LRP1B: variants seen among roughly 807,000 people sequenced by gnomAD.
The protein encoded by LRP1B is low-density lipoprotein receptor-related protein 1B.
In LRP1B, 217 loss-of-function variants were observed where a neutral mutation model predicts 556.6. The observed-to-expected ratio is 0.39, with a 90% CI of 0.35 to 0.44. The LOEUF is 0.44. LRP1B is among the 20% of genes least tolerant of loss of function. The pLI is 1.00. For missense variants in LRP1B, 5,053 were observed against 5,620.8 expected (o/e 0.90, Z 3.23); for synonymous variants, 2,047 against 1,865.8 (o/e 1.10, Z -2.50).
At chr2:141,595,226 T>A (rs567298941) in intron 2 of LRP1B, among the ~76,000 whole-genome samples, 1 of 152,214 alleles carries the variant, frequency 6.6e-6, no homozygotes, top group African/African-American at 2.4e-5. Flanking sequence ...TGTGAAGGTT[T>A]TCTTACAGTT....
rs531700545 is a variant in LRP1B at position 140,702,503 on chromosome 2, C to G, written c.6074G>C (p.Arg2025Pro). ...WGQMPCIGKA[R>P]LDGSEKVVLV... is the part of the protein sequence containing the mutation. ...GACAACCTTCTCTGAGCCATCCAAG[C>G]GAGCCTTTCCAATACAGGGCATTTG... Residue 2025 changes from arginine (R) to proline (P), a missense_variant, in exon 38 of 91, where the codon CGC (arginine) becomes CCC (proline). Arg to Pro is a moderately radical substitution (Grantham distance 103, BLOSUM62 -2). This residue lies in a region of LRP1B where 3,619 missense variants were observed against 3,931.9 expected (regional missense o/e 0.92). Transcript: ENST00000389484. 6.2e-7 allele frequency: 1 copy of G among 1,613,412 alleles called. No individual in the cohort carries two copies. Among genetic ancestry groups the G allele is most frequent in the Admixed American group, 1.7e-5 (1 of 59,876 alleles).
At chr2:141,260,064 T>C (rs940162999) in intron 3 of LRP1B, among the ~76,000 whole-genome samples, 1 of 152,186 alleles carries the variant, frequency 6.6e-6, no homozygotes, top group African/African-American at 2.4e-5. Context: ...GTGACATGAC[T>C]CGGTTGTAGT....
intron 1 of LRP1B, among the ~76,000 whole-genome samples, chr2:142,112,426 G>GA (rs1198566231): frequency 5.9e-5 from 9 of 151,576 alleles, no homozygotes; most frequent in East Asian, 3.9e-4. Flanking sequence ...TAGTTAAAAG[G>GA]AAAAAAATGT....
chr2:140,944,632 C>A (rs1226079927), intron 20 of LRP1B, among the ~76,000 whole-genome samples: 3 of 151,998 alleles, frequency 2.0e-5, no homozygotes, highest in Non-Finnish European at 4.4e-5. Context: ...AAATGTGAAC[C>A]ACCACATAAA....
chr2:140,478,429 G>GT (rs1161147086), intron 59 of LRP1B, among the ~76,000 whole-genome samples: 2 of 152,120 alleles, frequency 1.3e-5, no homozygotes, highest in African/African-American at 4.8e-5. Flanking sequence ...GGTTACAGGC[G>GT]TGAGCCACCG....
At chr2:140,341,165 C>A (rs1558814561) in intron 77 of LRP1B, among the ~76,000 whole-genome samples, 1 of 151,596 alleles carries the variant, frequency 6.6e-6, no homozygotes, top group Non-Finnish European at 1.5e-5. Flanking sequence ...ATCTCAGTGT[C>A]TCTCATCCAT....
intron 1 of LRP1B, among the ~76,000 whole-genome samples, chr2:142,116,692 C>T (rs1236440895): frequency 6.6e-6 from 1 of 152,020 alleles, no homozygotes; most frequent in African/African-American, 2.4e-5. Flanking sequence ...TATATGGAAA[C>T]TCTGTATTAG....
chr2:142,016,681 G>A (rs2105166745), intron 1 of LRP1B, among the ~76,000 whole-genome samples: 1 of 152,030 alleles, frequency 6.6e-6, no homozygotes, highest in South Asian at 2.1e-4. Context: ...CCTGTTGGGG[G>A]GTAGGGGCTA....
intron 3 of LRP1B, among the ~76,000 whole-genome samples, chr2:141,369,519 C>T (rs904669519): frequency 1.3e-5 from 2 of 151,984 alleles, no homozygotes; most frequent in Admixed American, 1.3e-4. Flanking sequence ...TTAAACCCTC[C>T]CATGAATCAC....
intron 42 of LRP1B, among the ~76,000 whole-genome samples, chr2:140,600,573 C>G (rs1682614731): frequency 6.6e-6 from 1 of 151,918 alleles, no homozygotes; most frequent in Admixed American, 6.6e-5. Flanking sequence ...TTTAATCACA[C>G]CTAAAACGAA....
intron 2 of LRP1B, among the ~76,000 whole-genome samples, chr2:141,662,065 C>T (rs1690241985): frequency 6.6e-6 from 1 of 152,112 alleles, no homozygotes; most frequent in Non-Finnish European, 1.5e-5. Context: ...TCGAGAAATT[C>T]ATATCTGGCC....
In LRP1B at chr2:140,350,825, T is replaced by C. The variant is rs1244043014; in HGVS notation, c.11864A>G (p.Glu3955Gly). The change falls in exon 77 of 91, where the codon GAA (glutamate) becomes GGA (glycine). Residue 3955 changes from glutamate (E) to glycine (G), a missense_variant. Glu to Gly is a moderately conservative substitution (Grantham distance 98). Coordinates refer to ENST00000389484, the MANE Select transcript of LRP1B (RefSeq NM_018557.3). ...GIFYKRIHGR[E>G]KRQANSGLIC... The stretch of plus-strand genomic sequence containing the variant: ...CAAGCCACTGTTTGCTTGCCTTTTT[T>C]CTCTGCCATGGATCCTTTTGTAGAA... 1.2e-6 allele frequency: 2 copies of C among 1,610,898 alleles called. No individual in the cohort carries two copies. Among genetic ancestry groups the C allele is most frequent in the African/African-American group, 2.7e-5 (2 of 74,786 alleles).
intron 1 of LRP1B, among the ~76,000 whole-genome samples, chr2:141,877,409 G>A: frequency 6.6e-6 from 1 of 151,876 alleles, no homozygotes; most frequent in East Asian, 1.9e-4. Flanking sequence ...TTATATCTGG[G>A]AAATGGGTAA....
intron 59 of LRP1B, among the ~76,000 whole-genome samples, chr2:140,477,005 T>C (rs952763938): frequency 3.9e-5 from 6 of 152,096 alleles, no homozygotes; most frequent in Non-Finnish European, 7.4e-5. Context: ...ATTTTTGTTA[T>C]AGTTTTCTTT....
At chr2:141,075,762 A>T (rs538986583) in intron 7 of LRP1B, among the ~76,000 whole-genome samples, 31 of 152,328 alleles carry the variant, frequency 2.0e-4, no homozygotes, top group African/African-American at 7.5e-4. Context: ...TGGACTGCTG[A>T]ACAAACCTGG....
intron 1 of LRP1B, among the ~76,000 whole-genome samples, chr2:141,864,032 G>A (rs999529299): frequency 6.6e-6 from 1 of 152,034 alleles, no homozygotes; most frequent in African/African-American, 2.4e-5. Flanking sequence ...GAAGACAGCT[G>A]TAAACAAGGA....
At chr2:140,908,378 A>G (rs1040062381) in intron 21 of LRP1B, among the ~76,000 whole-genome samples, 9 of 146,528 alleles carry the variant, frequency 6.1e-5, no homozygotes, top group African/African-American at 2.0e-4. Context: ...ATATATATAT[A>G]TATATATATA....
intron 2 of LRP1B, among the ~76,000 whole-genome samples, chr2:141,765,431 A>T: frequency 6.6e-6 from 1 of 152,164 alleles, no homozygotes; most frequent in Admixed American, 6.5e-5. Flanking sequence ...TCTCAGTTTA[A>T]TTCAGAAACA....
At chr2:142,035,957 CT>C (rs1703862807) in intron 1 of LRP1B, among the ~76,000 whole-genome samples, 1 of 151,646 alleles carries the variant, frequency 6.6e-6, no homozygotes, top group African/African-American at 2.4e-5. Context: ...CGGGTTTCCA[CT>C]TTGCTTTTTC....
Sources: allele counts gnomAD v4.1 joint callset (sites outside exome capture counted in the v4.1 genomes callset), GRCh38; gene constraint gnomAD v4.1.1; regional missense constraint gnomAD v4.1.1; transcripts MANE v1.5; gene names NCBI Gene and HGNC (gene_info 2026-07-23, HGNC 2026-07-21).